The following HCLS1 variants were observed in gnomAD, a reference collection of about 807,000 sequenced individuals.
HCLS1 encodes hematopoietic lineage cell-specific protein.
HCLS1 carries 44 observed loss-of-function variants against 68.6 expected under a neutral mutation model. The observed-to-expected ratio is 0.64, with a 90% CI of 0.50 to 0.82. The LOEUF is 0.82. Among genes scored for constraint, HCLS1 ranks in the 40% least tolerant of loss-of-function variants. The pLI is 0.00. For missense variants in HCLS1, 602 were observed against 612.1 expected (o/e 0.98, Z 0.17); for synonymous variants, 217 against 225.8 (o/e 0.96, Z 0.35).
At position 121,636,509 on chromosome 3, in the gene HCLS1, G is replaced by A. The variant is rs2049152992; in HGVS notation, c.566-20C>T. On this transcript the variant is annotated intron_variant, in intron 7 of 13. Transcript: ENST00000314583. ...CATAATCTGCAGGACAGAAAGTTCT[G>A]AGTTATAGGAGATCAAAATGCTGGG... The A allele has an allele frequency of 2.5e-6, 4 of 1,600,154 alleles. No individual in the cohort carries two copies. Among genetic ancestry groups the A allele is most frequent in the Non-Finnish European group, 3.4e-6 (4 of 1,167,952 alleles).
At chr3:121,646,398 A>AC (rs1937606180) in intron 4 of HCLS1, among the ~76,000 whole-genome samples, 1 of 87,198 alleles carries the variant, frequency 1.1e-5, no homozygotes, top group Admixed American at 2.2e-4. Flanking sequence ...ATTACTATGT[A>AC]ATATATTACA....
In HCLS1 at chr3:121,634,751, C is replaced by A. The variant is rs1187071330; in HGVS notation, c.692-333G>T. On this transcript the variant is annotated intron_variant, in intron 9 of 13. Coordinates refer to ENST00000314583, the MANE Select transcript of HCLS1 (RefSeq NM_005335.6). ...GGCTCAAGCAATCCTCCTACCTCAG[C>A]CTCTGGAGTAGTTGGGACCACAGAT... Among the ~76,000 whole-genome samples, 3 of 152,114 alleles carry A rather than the reference C, an allele frequency of 2.0e-5. No homozygotes were observed. In the East Asian group the frequency reaches 5.8e-4, roughly 29 times the overall value.
At chr3:121,641,831 C>T (rs763467588) in intron 6 of HCLS1, among the ~76,000 whole-genome samples, 1 of 152,094 alleles carries the variant, frequency 6.6e-6, no homozygotes, top group Non-Finnish European at 1.5e-5. Context: ...CCTGTAATCC[C>T]AGCACTTTGG....
chr3:121,647,441 G>T lies in HCLS1; in HGVS notation c.166C>A (p.Gln56Lys). Residue 56 changes from glutamine (Q) to lysine (K), a missense_variant, in exon 4 of 14, where the codon CAG becomes AAG. By Grantham distance (53) the Gln-to-Lys change is moderately conservative. Coordinates refer to ENST00000314583, the MANE Select transcript of HCLS1 (RefSeq NM_005335.6). Reference protein sequence around the residue: ...SGRTEHINIHQLRNKVSEEHD... With the variant: ...SGRTEHINIHKLRNKVSEEHD... ...TCCTCTGATACTTTGTTCCTCAGCT[G>T]GTGGATGCTGGAAGAAACCACATGA... The T allele has an allele frequency of 6.2e-7, 1 of 1,613,954 alleles. No individual in the cohort carries two copies. The highest frequency in any genetic ancestry group is 8.5e-7 in the Non-Finnish European group (1 of 1,179,970).
intron 3 of HCLS1, among the ~76,000 whole-genome samples, chr3:121,651,733 C>T (rs1319342040): frequency 6.6e-6 from 1 of 152,126 alleles, no homozygotes; most frequent in Admixed American, 6.5e-5. Flanking sequence ...TTTAAAAATA[C>T]TAACAATAAC....
intron 3 of HCLS1, among the ~76,000 whole-genome samples, chr3:121,652,614 C>T (rs1200753274): frequency 1.3e-5 from 2 of 151,752 alleles, no homozygotes; most frequent in East Asian, 3.9e-4. Flanking sequence ...GAGCCGAGAT[C>T]GTACCACTGC....
intron 3 of HCLS1, among the ~76,000 whole-genome samples, chr3:121,651,947 T>C (rs1937760717): frequency 1.3e-5 from 2 of 152,204 alleles, no homozygotes; most frequent in Non-Finnish European, 2.9e-5. Context: ...CAAATGCCCA[T>C]GACAGTTTCA....
Position 121,632,574 on chromosome 3 carries a change from AC to A in HCLS1, c.1009-12del. 6.2e-7 allele frequency: 1 copy of A among 1,608,164 alleles called. No homozygotes were observed. The highest frequency in any genetic ancestry group is 8.5e-7 in the Non-Finnish European group (1 of 1,178,488). ...GGGCTCCTCATTGTCCTGAGAAGAGACAGTGTGGAGCACTGTGACTTCCACT... is the reference window on the plus strand; with the variant it reads ...GGGCTCCTCATTGTCCTGAGAAGAGAAGTGTGGAGCACTGTGACTTCCACT... On this transcript the variant is annotated splice_polypyrimidine_tract_variant and intron_variant, in intron 11 of 13. Coordinates refer to ENST00000314583, the MANE Select transcript of HCLS1 (RefSeq NM_005335.6).
At chr3:121,643,126 G>C in intron 5 of HCLS1, 145 bp from the exon 6 acceptor site, 2 of 664,292 alleles carry the variant, frequency 3.0e-6, no homozygotes, top group South Asian at 3.2e-5. Flanking sequence ...AAACAGGCTG[G>C]TATGGACACA....
At chr3:121,645,062 C>T (rs2049233842) in intron 4 of HCLS1, 134 bp from the exon 5 acceptor site, 1 of 672,450 alleles carries the variant, frequency 1.5e-6, no homozygotes, top group South Asian at 1.8e-5. Flanking sequence ...ACAGTGGTGC[C>T]AAGGAATACG....
Position 121,634,307 on chromosome 3 carries a change from C to T in HCLS1, c.803G>A (p.Arg268Gln), listed in dbSNP as rs371572740. 6.3e-5 allele frequency: 101 copies of T among 1,614,162 alleles called. No individual in the cohort carries two copies. The highest frequency in any genetic ancestry group is 1.1e-4 in the East Asian group (5 of 44,878). ...AGGGCTCCTCTTTGTCACAGCCTTT[C>T]GCTCCTGTTGCCTCCTGGCCACCTG... ...AQQVARRQQE[R>Q]KAVTKRSPEA... The change falls in exon 10 of 14, where the codon CGA becomes CAA. Residue 268 changes from arginine (R) to glutamine (Q), a missense_variant. Arg to Gln is a conservative substitution (Grantham distance 43). Transcript: ENST00000314583.
rs36104070 is a variant in HCLS1 at position 121,636,456 on chromosome 3, A to G, written c.599T>C (p.Ile200Thr). ...TACCTTATCCACTCGGTCCTTCTGGATTCCATACTGGCCACCAAAGCCCTT... is the reference window on the plus strand; with the variant it reads ...TACCTTATCCACTCGGTCCTTCTGGGTTCCATACTGGCCACCAAAGCCCTT... The part of the protein sequence containing the change: ...YAKGFGGQYG[I>T]QKDRVDKSAV... The change falls in exon 8 of 14, where the codon ATC (isoleucine) becomes ACC (threonine). Residue 200 changes from isoleucine (I) to threonine (T), a missense_variant. Physicochemically the swap from Ile to Thr is moderately conservative, Grantham distance 89. Transcript: ENST00000314583. The G allele has an allele frequency of 6.2e-7, 1 of 1,613,838 alleles. No homozygotes were observed. Among genetic ancestry groups the G allele is most frequent in the Non-Finnish European group, 8.5e-7 (1 of 1,179,704 alleles).
intron 1 of HCLS1, among the ~76,000 whole-genome samples, chr3:121,658,880 GCT>G (rs1937930667): frequency 6.6e-6 from 1 of 152,170 alleles, no homozygotes; most frequent in Admixed American, 6.5e-5. Context: ...TGGTCCAAGT[GCT>G]GTCCCACCTC....
Position 121,635,735 on chromosome 3 carries a change from C to A in HCLS1, c.691G>T (p.Ala231Ser). The A allele has an allele frequency of 1.2e-6, 2 of 1,612,086 alleles. No homozygotes were observed. The highest frequency in any genetic ancestry group is 1.1e-5 in the South Asian group (1 of 91,036). The stretch of plus-strand genomic sequence containing the variant: ...TGGAGAGTGAATCACTAAGCCTCAC[C>A]GGCTTCTATGGGCGTCGTCTTCTTA... Reference protein sequence around the residue: ...AYKKTTPIEAASSGTRGLKAK... With the variant: ...AYKKTTPIEASSSGTRGLKAK... Residue 231 changes from alanine (A) to serine (S), a missense_variant and splice_region_variant, in exon 9 of 14, where the codon GCT becomes TCT. Physicochemically the swap from Ala to Ser is moderately conservative, Grantham distance 99. Coordinates refer to ENST00000314583, the MANE Select transcript of HCLS1 (RefSeq NM_005335.6).
intron 1 of HCLS1, among the ~76,000 whole-genome samples, chr3:121,659,299 GGT>G (rs944847353): frequency 6.6e-5 from 10 of 152,178 alleles, no homozygotes; most frequent in African/African-American, 2.4e-4. Context: ...CTGTGGATTT[GGT>G]GTGAAGAAGT....
At chr3:121,646,985 A>ATTT (rs1272121152) in intron 4 of HCLS1, among the ~76,000 whole-genome samples, 1 of 138,956 alleles carries the variant, frequency 7.2e-6, no homozygotes, top group Non-Finnish European at 1.5e-5. Context: ...TATTTTATTT[A>ATTT]TTTTTTTTTT....
rs140593710 is a variant in HCLS1 at position 121,656,992 on chromosome 3, G to A, written c.158+287C>T. 80 of 306,780 alleles carry A rather than the reference G, an allele frequency of 2.6e-4. 1 individual carries two copies. In the East Asian group the frequency reaches 4.1e-3, roughly 16 times the overall value. The allele number at this position is 306,780 out of a possible 1,614,324, so 19.0% of individuals were successfully genotyped here. A position where few individuals can be genotyped will look rare whatever the true frequency, so the allele number is the denominator to read the frequency against. ...ATGAATCTCTCATGCCTTACTAAAG[G>A]AAGGGAGGCAGTTAATCCAATAGAC... is the stretch of plus-strand genomic sequence containing the variant. On this transcript the variant is annotated intron_variant, in intron 3 of 13. Coordinates refer to ENST00000314583, the MANE Select transcript of HCLS1 (RefSeq NM_005335.6).
chr3:121,632,426 C>T lies in HCLS1; in HGVS notation c.1146G>A (p.Glu382=), dbSNP rs2049106906. 6.2e-7 allele frequency: 1 copy of T among 1,611,914 alleles called. No homozygotes were observed. The change falls in exon 12 of 14, where the codon GAG becomes GAA. Residue 382 remains glutamate (E), a synonymous_variant. Transcript: ENST00000314583. ...CCTCCTGCTCATGCCTGTCCATCTCCTCAACGTCCTCATAGTCATTCTCAG... is the reference window on the plus strand; with the variant it reads ...CCTCCTGCTCATGCCTGTCCATCTCTTCAACGTCCTCATAGTCATTCTCAG... ...PEPENDYEDV[E]EMDRHEQEDE... is the part of the protein sequence containing the mutation.
Position 121,635,586 on chromosome 3 carries a change from G to GA in HCLS1, c.691+148dup, listed in dbSNP as rs879156102. 1.3e-4 allele frequency: 91 copies of GA among 693,798 alleles called. 1 individual carries two copies. The highest frequency in any genetic ancestry group is 1.2e-3 in the South Asian group (69 of 57,198). 43.0% of individuals were successfully genotyped at this position (693,798 alleles called of 1,614,324 possible). ...GCTCCGCCTTACCTGGTTTTTCTAGGAAAGACAGAATCTGGGAATATGAGG... is the reference window on the plus strand; with the variant it reads ...GCTCCGCCTTACCTGGTTTTTCTAGGAAAAGACAGAATCTGGGAATATGAGG... On this transcript the variant is annotated intron_variant, in intron 9 of 13. Coordinates refer to ENST00000314583, the MANE Select transcript of HCLS1 (RefSeq NM_005335.6).
Sources: gnomAD v4.1 joint callset for allele counts (sites outside exome capture counted in the v4.1 genomes callset) on GRCh38, gnomAD v4.1.1 for gene constraint, MANE v1.5 for transcripts, NCBI Gene and HGNC (gene_info 2026-07-23, HGNC 2026-07-21) for gene names.